The following MAP2K4 variants were observed in gnomAD, a reference collection of about 807,000 sequenced individuals.
The protein encoded by MAP2K4 is mitogen-activated protein kinase kinase 4, also known as dual specificity mitogen-activated protein kinase kinase 4.
MAP2K4 carries 4 observed loss-of-function variants against 48.5 expected under a neutral mutation model. That is an observed-to-expected ratio of 0.08 (90% CI 0.04 to 0.19). MAP2K4 has a LOEUF of 0.19. MAP2K4 is among the 10% of genes least tolerant of loss of function. MAP2K4 has a pLI of 1.00. For missense variants in MAP2K4, 258 were observed against 493.3 expected (o/e 0.52, Z 4.52); for synonymous variants, 166 against 173.1 (o/e 0.96, Z 0.32).
At chr17:12,080,193 T>A (rs1180618943) in intron 2 of MAP2K4, among the ~76,000 whole-genome samples, 3 of 152,206 alleles carry the variant, frequency 2.0e-5, no homozygotes, top group Non-Finnish European at 4.4e-5. Context: ...AGAAAACCAT[T>A]CTACTAATTG....
intron 1 of MAP2K4, among the ~76,000 whole-genome samples, chr17:12,048,857 A>G (rs1409481270): frequency 6.6e-6 from 1 of 151,968 alleles, no homozygotes; most frequent in Non-Finnish European, 1.5e-5. Context: ...GGGTTTTACC[A>G]TGTTGGCCTG....
intron 1 of MAP2K4, among the ~76,000 whole-genome samples, chr17:12,027,940 T>A (rs1969313404): frequency 6.6e-6 from 1 of 152,172 alleles, no homozygotes; most frequent in African/African-American, 2.4e-5. Context: ...CCATAATCGT[T>A]GCTCCCATGA....
At chr17:12,126,287 A>C (rs768310034) in intron 8 of MAP2K4, among the ~76,000 whole-genome samples, 6 of 152,264 alleles carry the variant, frequency 3.9e-5, no homozygotes, top group Non-Finnish European at 7.3e-5. Flanking sequence ...CTTAATTTGC[A>C]ACAAGCAAGC....
intron 2 of MAP2K4, among the ~76,000 whole-genome samples, chr17:12,066,968 C>T (rs943463602): frequency 6.6e-5 from 10 of 151,898 alleles, no homozygotes; most frequent in South Asian, 6.3e-4. Context: ...TGAGCCACCG[C>T]GCCCGGCCCA....
intron 9 of MAP2K4, among the ~76,000 whole-genome samples, chr17:12,138,120 GT>G (rs1381893551): frequency 6.6e-6 from 1 of 152,078 alleles, no homozygotes; most frequent in Non-Finnish European, 1.5e-5. Flanking sequence ...TGGTCCTAAA[GT>G]TTTAGACTCA....
At position 12,081,844 on chromosome 17, in the gene MAP2K4, A is replaced by C. The variant is rs1971197449; in HGVS notation, c.393+314A>C. On this transcript the variant is annotated intron_variant, in intron 3 of 10. Transcript: ENST00000353533. This position sits in a 1 kb window ranked among gnomAD's most constrained non-coding sequence, Gnocchi z 4.2. Reference sequence around the variant, plus strand: ...GCTGGGCGGCTGCACCCCTGGGAGCAGGGCAGTGCTGCACTGAGCCAGGCG... The same window carrying C: ...GCTGGGCGGCTGCACCCCTGGGAGCCGGGCAGTGCTGCACTGAGCCAGGCG... 1 of 516,646 alleles carries C rather than the reference A, an allele frequency of 1.9e-6. No individual in the cohort carries two copies. The highest frequency in any genetic ancestry group is 2.2e-5 in the Admixed American group (1 of 46,246). The allele number at this position is 516,646 out of a possible 1,614,324, so 32.0% of individuals were successfully genotyped here. A position where few individuals can be genotyped will look rare whatever the true frequency, so the allele number is the denominator to read the frequency against.
chr17:12,049,761 C>T (rs1352615380), intron 1 of MAP2K4, among the ~76,000 whole-genome samples: 1 of 152,062 alleles, frequency 6.6e-6, no homozygotes, highest in Admixed American at 6.5e-5. Flanking sequence ...CAAGGCCAGC[C>T]CAGATTCAAA....
At chr17:12,131,234 C>CTTTTTTTTTTTTTTTTTTTTT (rs11307653) in intron 9 of MAP2K4, among the ~76,000 whole-genome samples, 1 of 130,940 alleles carries the variant, frequency 7.6e-6, no homozygotes, top group Non-Finnish European at 1.6e-5. Context: ...GGTCACATTT[C>CTTTTTTTTTTTTTTTTTTTTT]TTTTTTTTTT....
intron 9 of MAP2K4, among the ~76,000 whole-genome samples, chr17:12,133,748 G>C (rs757594195): frequency 6.6e-6 from 1 of 152,174 alleles, no homozygotes; most frequent in Non-Finnish European, 1.5e-5. Flanking sequence ...TTTATCGTGT[G>C]CAGAGGGGAA....
chr17:12,133,500 C>T (rs550107041), intron 9 of MAP2K4, among the ~76,000 whole-genome samples: 2 of 152,280 alleles, frequency 1.3e-5, no homozygotes, highest in South Asian at 2.1e-4. Context: ...GAATTTTTGT[C>T]TCTAGGGCCT....
intron 1 of MAP2K4, among the ~76,000 whole-genome samples, chr17:12,040,920 A>G (rs1455696450): frequency 6.6e-6 from 1 of 152,194 alleles, no homozygotes; most frequent in Non-Finnish European, 1.5e-5. Flanking sequence ...AACTTTAACT[A>G]AATTATTAAA....
intron 3 of MAP2K4, among the ~76,000 whole-genome samples, chr17:12,083,564 A>G (rs1461346677): frequency 6.6e-6 from 1 of 152,224 alleles, no homozygotes. Flanking sequence ...GGATGGCAGT[A>G]CAACACATCA....
At chr17:12,124,922 G>A (rs1972806966) in intron 7 of MAP2K4, 2 of 196,996 alleles carry the variant, frequency 1.0e-5, no homozygotes, top group South Asian at 9.4e-5. Context: ...TGATCCACCC[G>A]CTTCGGCCTC....
At chr17:12,107,310 C>T (rs1057406074) in intron 4 of MAP2K4, among the ~76,000 whole-genome samples, 1 of 151,576 alleles carries the variant, frequency 6.6e-6, no homozygotes, top group African/African-American at 2.4e-5. Context: ...TTAAAGTAGG[C>T]CTCACTGAGA....
At chr17:12,122,820 GTGTTGTTATTTC>G (rs2151585493) in intron 7 of MAP2K4, among the ~76,000 whole-genome samples, 1 of 152,264 alleles carries the variant, frequency 6.6e-6, no homozygotes, top group African/African-American at 2.4e-5. Context: ...TTCTCTTAGT[GTGTTGTTATTTC>G]TGTTGTTATT....
At chr17:12,096,084 C>G (rs1016727726) in intron 4 of MAP2K4, among the ~76,000 whole-genome samples, 4 of 54,988 alleles carry the variant, frequency 7.3e-5, no homozygotes, top group South Asian at 1.0e-3. Context: ...CCCCCCCCCC[C>G]CCCCGCCGCC....
chr17:12,054,674 A>G (rs1037670425), intron 1 of MAP2K4, among the ~76,000 whole-genome samples: 6 of 152,164 alleles, frequency 3.9e-5, no homozygotes, highest in Non-Finnish European at 7.4e-5. Flanking sequence ...CTATTGTATC[A>G]TAGCCTAGTG....
chr17:12,110,296 T>C, intron 5 of MAP2K4, 79 bp from the exon 6 acceptor site: 2 of 949,228 alleles, frequency 2.1e-6, no homozygotes, highest in South Asian at 1.3e-5. Flanking sequence ...CTACACGGGA[T>C]ATTACTTGTG....
intron 4 of MAP2K4, among the ~76,000 whole-genome samples, chr17:12,105,906 C>G (rs1331081258): frequency 6.6e-6 from 1 of 152,096 alleles, no homozygotes; most frequent in Non-Finnish European, 1.5e-5. Flanking sequence ...CCTTCCTTCT[C>G]CCTTCCATTT....
Sources: allele counts gnomAD v4.1 joint callset (sites outside exome capture counted in the v4.1 genomes callset), GRCh38; gene constraint gnomAD v4.1.1; non-coding constraint Gnocchi (gnomAD v3.1); transcripts MANE v1.5; gene names NCBI Gene and HGNC (gene_info 2026-07-23, HGNC 2026-07-21).